The following POFUT3 variants were observed in gnomAD, a reference collection of about 807,000 sequenced individuals.
POFUT3 encodes the protein GDP-fucose protein O-fucosyltransferase 3.
chr8:33,460,025 A>G, the POFUT3 span, among the ~76,000 whole-genome samples: 1 of 152,144 alleles, frequency 6.6e-6, no homozygotes, highest in African/African-American at 2.4e-5. Flanking sequence ...GTGAAACCTC[A>G]TTTCTACTAA....
chr8:33,439,822 G>A, the POFUT3 span, among the ~76,000 whole-genome samples: 61 of 151,532 alleles, frequency 4.0e-4, no homozygotes, highest in East Asian at 2.0e-4. Flanking sequence ...AGCCAAGATC[G>A]CGCCACTGCA....
At chr8:33,318,574 A>C in the POFUT3 span, among the ~76,000 whole-genome samples, 1 of 86,660 alleles carries the variant, frequency 1.2e-5, no homozygotes, top group Non-Finnish European at 2.0e-5. Flanking sequence ...TAATATATAA[A>C]TATATTGTAT....
chr8:33,466,165 C>T, the POFUT3 span, among the ~76,000 whole-genome samples: 48 of 152,096 alleles, frequency 3.2e-4, no homozygotes, highest in Admixed American at 6.5e-4. Flanking sequence ...CAGCCAGGTG[C>T]GGTGGTTCTG....
chr8:33,469,705 T>G, the POFUT3 span, among the ~76,000 whole-genome samples: 1 of 152,064 alleles, frequency 6.6e-6, no homozygotes, highest in African/African-American at 2.4e-5. Context: ...TGGATCTACT[T>G]GATGTAGAAA....
the POFUT3 span, among the ~76,000 whole-genome samples, chr8:33,345,188 A>G: frequency 1.3e-5 from 2 of 152,154 alleles, no homozygotes; most frequent in Non-Finnish European, 2.9e-5. Context: ...CAAGAATTGC[A>G]ATTAAAAAAT....
At chr8:33,309,167 A>ATATATATATGGGG in the POFUT3 span, among the ~76,000 whole-genome samples, 3 of 53,690 alleles carry the variant, frequency 5.6e-5, no homozygotes, top group African/African-American at 2.8e-4. Flanking sequence ...AAAAAAAAAA[A>ATATATATATGGGG]ATATATATAT....
At chr8:33,359,320 G>A in the POFUT3 span, among the ~76,000 whole-genome samples, 1 of 152,130 alleles carries the variant, frequency 6.6e-6, no homozygotes, top group Admixed American at 6.5e-5. Flanking sequence ...GGATCTCTAA[G>A]CCTCAATAAT....
At chr8:33,372,496 T>C in the POFUT3 span, 1 of 1,507,424 alleles carries the variant, frequency 6.6e-7, no homozygotes, top group Non-Finnish European at 8.8e-7. Context: ...ACAGAATAGC[T>C]ATTATGTTCA....
the POFUT3 span, among the ~76,000 whole-genome samples, chr8:33,439,028 A>G: frequency 1.6e-3 from 251 of 152,344 alleles, 1 homozygote; most frequent in South Asian, 5.2e-3. Flanking sequence ...TCTATCTTCA[A>G]ATCACATCTC....
the POFUT3 span, among the ~76,000 whole-genome samples, chr8:33,337,881 G>A: frequency 6.6e-6 from 1 of 152,192 alleles, no homozygotes; most frequent in Admixed American, 6.5e-5. Context: ...TTGTCTGAAG[G>A]TTTGGTTTCT....
chr8:33,324,308 C>T, the POFUT3 span, among the ~76,000 whole-genome samples: 4 of 152,184 alleles, frequency 2.6e-5, no homozygotes, highest in Non-Finnish European at 5.9e-5. Flanking sequence ...GAGCAAATAG[C>T]AGGCTCTTCC....
chr8:33,462,053 AG>A, the POFUT3 span, among the ~76,000 whole-genome samples: 3 of 135,972 alleles, frequency 2.2e-5, no homozygotes, highest in Middle Eastern at 3.7e-3. Context: ...ACAGCTACTC[AG>A]GAGGCTGCAG....
chr8:33,414,201 G>A, the POFUT3 span, among the ~76,000 whole-genome samples: 1 of 151,788 alleles, frequency 6.6e-6, no homozygotes, highest in Non-Finnish European at 1.5e-5. Flanking sequence ...GCCCAAATAG[G>A]TTTTGTAATC....
At chr8:33,392,404 C>T in the POFUT3 span, among the ~76,000 whole-genome samples, 3 of 151,518 alleles carry the variant, frequency 2.0e-5, no homozygotes, top group Admixed American at 1.3e-4. Context: ...GGTGAAACCC[C>T]ATCTCTACTA....
At chr8:33,419,146 TC>T in the POFUT3 span, among the ~76,000 whole-genome samples, 1 of 152,090 alleles carries the variant, frequency 6.6e-6, no homozygotes, top group Non-Finnish European at 1.5e-5. Context: ...AAGAATAAAT[TC>T]TAGTGTTTGA....
chr8:33,319,383 A>G, the POFUT3 span, among the ~76,000 whole-genome samples: 1 of 26 alleles, frequency 0.038, no homozygotes, highest in Admixed American at 0.25. Context: ...TATATTATAG[A>G]AATATATTTT....
chr8:33,417,854 G>A, the POFUT3 span, among the ~76,000 whole-genome samples: 4 of 152,140 alleles, frequency 2.6e-5, no homozygotes, highest in Admixed American at 6.5e-5. Flanking sequence ...AGGATCAGCC[G>A]GAAGCCCAGA....
At chr8:33,458,262 T>TA in the POFUT3 span, among the ~76,000 whole-genome samples, 2 of 151,488 alleles carry the variant, frequency 1.3e-5, no homozygotes, top group African/African-American at 4.8e-5. Flanking sequence ...TCCTGAACTG[T>TA]AAAAAAAAAA....
At chr8:33,429,238 G>A in the POFUT3 span, among the ~76,000 whole-genome samples, 1 of 152,132 alleles carries the variant, frequency 6.6e-6, no homozygotes, top group Admixed American at 6.6e-5. Context: ...ATTTACTGCA[G>A]TACTCTCGGA....
Sources: gnomAD v4.1 joint callset for allele counts (sites outside exome capture counted in the v4.1 genomes callset) on GRCh38, gnomAD v4.1.1 for gene constraint, MANE v1.5 for transcripts, NCBI Gene and HGNC (gene_info 2026-07-23, HGNC 2026-07-21) for gene names.